The following DENND6A variants were observed in gnomAD, a reference collection of about 807,000 sequenced individuals.
DENND6A encodes the protein DENN domain containing 6A, also known as protein DENND6A.
Under a neutral mutation model 95.5 loss-of-function variants are expected in DENND6A, and 43 were observed. The observed-to-expected ratio is 0.45, with a 90% CI of 0.35 to 0.58. The LOEUF (loss-of-function observed/expected upper bound fraction) is 0.58, where lower values mean the gene tolerates loss of function less well. Among genes scored for constraint, DENND6A ranks in the 20% least tolerant of loss-of-function variants. The pLI, the probability that DENND6A is intolerant of heterozygous loss-of-function variation, is 0.00. For synonymous variants in DENND6A, 257 were observed against 260.4 expected, an observed-to-expected ratio of 0.99 and a Z score of 0.13; for missense variants, 574 against 736.0, an observed-to-expected ratio of 0.78 and a Z score of 2.55.
intron 11 of DENND6A, among the ~76,000 whole-genome samples, chr3:57,642,509 T>C (rs2070968514): frequency 6.6e-6 from 1 of 152,044 alleles, no homozygotes; most frequent in Non-Finnish European, 1.5e-5. Context: ...AGTGACATTA[T>C]GGCCTGTCTG....
chr3:57,674,290 G>A (rs933790997), intron 1 of DENND6A, among the ~76,000 whole-genome samples: 3 of 151,760 alleles, frequency 2.0e-5, no homozygotes, highest in African/African-American at 4.8e-5. Context: ...GGAGAATGGC[G>A]TGAACCTGGG....
chr3:57,677,404 GCTAA>G (rs2071728824), intron 1 of DENND6A, among the ~76,000 whole-genome samples: 2 of 144,592 alleles, frequency 1.4e-5, no homozygotes, highest in Non-Finnish European at 3.0e-5. Context: ...GCCAGTTTGG[GCTAA>G]CTTTGTTGTC....
At chr3:57,638,532 C>T (rs1321623725) in intron 12 of DENND6A, among the ~76,000 whole-genome samples, 1 of 151,966 alleles carries the variant, frequency 6.6e-6, no homozygotes, top group African/African-American at 2.4e-5. Flanking sequence ...GTGGTGCATG[C>T]CTGTAATCTC....
intron 1 of DENND6A, among the ~76,000 whole-genome samples, chr3:57,690,751 G>C (rs1228293140): frequency 2.7e-5 from 4 of 150,504 alleles, no homozygotes; most frequent in Non-Finnish European, 5.9e-5. Flanking sequence ...ATATAAACAA[G>C]ATCTGCACAC....
intron 3 of DENND6A, among the ~76,000 whole-genome samples, chr3:57,669,541 C>T (rs983345290): frequency 6.6e-6 from 1 of 151,198 alleles, no homozygotes; most frequent in Non-Finnish European, 1.5e-5. Context: ...CAGTGAAACC[C>T]CATCTCTACT....
chr3:57,633,710 GA>G (rs1186210467), intron 14 of DENND6A, among the ~76,000 whole-genome samples: 1 of 152,078 alleles, frequency 6.6e-6, no homozygotes, highest in African/African-American at 2.4e-5. Context: ...CCATCATGGT[GA>G]AACCCCGTCT....
chr3:57,684,421 C>G (rs2077193881), intron 1 of DENND6A, among the ~76,000 whole-genome samples: 1 of 152,152 alleles, frequency 6.6e-6, no homozygotes, highest in Admixed American at 6.5e-5. Context: ...TGAGATCGTG[C>G]CACTGCACTC....
At chr3:57,652,917 A>G (rs2071239844) in intron 9 of DENND6A, among the ~76,000 whole-genome samples, 1 of 152,266 alleles carries the variant, frequency 6.6e-6, no homozygotes, top group African/African-American at 2.4e-5. Context: ...TGTGACAGCT[A>G]CATGCAACAG....
At chr3:57,657,595 C>T in intron 9 of DENND6A, 85 bp downstream of exon 9, 1 of 870,606 alleles carries the variant, frequency 1.1e-6, no homozygotes, top group South Asian at 1.6e-5. Flanking sequence ...TTTCCACATC[C>T]TATATAATAT....
At chr3:57,659,701 G>C (rs2071388596) in intron 7 of DENND6A, among the ~76,000 whole-genome samples, 1 of 152,164 alleles carries the variant, frequency 6.6e-6, no homozygotes, top group South Asian at 2.1e-4. Context: ...AAAGCACTTA[G>C]GGTACAACCT....
chr3:57,635,349 G>A (rs2070769403), intron 12 of DENND6A, among the ~76,000 whole-genome samples: 1 of 152,142 alleles, frequency 6.6e-6, no homozygotes. Flanking sequence ...TGAGCAGGCT[G>A]CTATGTTGAA....
intron 1 of DENND6A, among the ~76,000 whole-genome samples, chr3:57,677,183 A>C (rs1373272899): frequency 2.0e-5 from 3 of 152,156 alleles, no homozygotes; most frequent in Non-Finnish European, 4.4e-5. Context: ...AAACAAACAA[A>C]AAACTATTTC....
At chr3:57,641,903 G>A (rs2070950274) in intron 11 of DENND6A, among the ~76,000 whole-genome samples, 156 bp from the exon 12 acceptor site, 1 of 151,836 alleles carries the variant, frequency 6.6e-6, no homozygotes, top group African/African-American at 2.4e-5. Context: ...CAGGCAACAC[G>A]TTTTACACTA....
chr3:57,685,065 C>A (rs1191867531), intron 1 of DENND6A, among the ~76,000 whole-genome samples: 4 of 152,044 alleles, frequency 2.6e-5, no homozygotes, highest in Non-Finnish European at 5.9e-5. Flanking sequence ...AGGTATGCGC[C>A]ACCATGCCTG....
chr3:57,660,998 C>A (rs1403310515), intron 6 of DENND6A, among the ~76,000 whole-genome samples, 159 bp from the exon 7 acceptor site: 1 of 151,998 alleles, frequency 6.6e-6, no homozygotes, highest in Non-Finnish European at 1.5e-5. Context: ...GTGATGAAAA[C>A]ATTTTATATT....
intron 3 of DENND6A, among the ~76,000 whole-genome samples, chr3:57,666,938 A>C (rs987642697): frequency 6.6e-6 from 1 of 152,280 alleles, no homozygotes; most frequent in Non-Finnish European, 1.5e-5. Context: ...TGCTATGAGC[A>C]CCATAGCTTT....
At chr3:57,667,144 T>C (rs868670946) in intron 3 of DENND6A, among the ~76,000 whole-genome samples, 1 of 152,266 alleles carries the variant, frequency 6.6e-6, no homozygotes, top group African/African-American at 2.4e-5. Context: ...TTATCCTGCC[T>C]CAGCCTCCTG....
At chr3:57,638,231 A>T (rs908296676) in intron 12 of DENND6A, among the ~76,000 whole-genome samples, 1 of 152,072 alleles carries the variant, frequency 6.6e-6, no homozygotes, top group Non-Finnish European at 1.5e-5. Context: ...CACAAAGCAT[A>T]TATCTAATAA....
At chr3:57,646,255 A>C in intron 10 of DENND6A, 61 bp downstream of exon 10, 1 of 1,552,404 alleles carries the variant, frequency 6.4e-7, no homozygotes, top group African/African-American at 1.4e-5. Flanking sequence ...AATATCACCA[A>C]CAGGTTAAGT....
Sources: gnomAD v4.1 joint callset for allele counts (sites outside exome capture counted in the v4.1 genomes callset) on GRCh38, gnomAD v4.1.1 for gene constraint, MANE v1.5 for transcripts, NCBI Gene and HGNC (gene_info 2026-07-23, HGNC 2026-07-21) for gene names.